Variants in CRYBA4 observed in about 807,000 individuals in gnomAD.
CRYBA4 encodes the protein crystallin beta A4.
A neutral mutation model predicts 31.7 loss-of-function variants in CRYBA4; 30 were observed. The ratio of observed to expected loss-of-function variants is 0.95; its 90% confidence interval spans 0.71 to 1.28. The LOEUF (loss-of-function observed/expected upper bound fraction) is 1.28, where lower values mean the gene tolerates loss of function less well. Ranked by LOEUF, CRYBA4 falls within the 50% of genes most tolerant of loss-of-function variation. The pLI is 0.00. For missense variants in CRYBA4, 225 were observed against 260.7 expected, an observed-to-expected ratio of 0.86 and a Z score of 0.94; for synonymous variants, 102 against 102.3, an observed-to-expected ratio of 1.00 and a Z score of 0.02.
At chr22:26,626,178 G>A (rs1929699176) in intron 4 of CRYBA4, among the ~76,000 whole-genome samples, 1 of 152,178 alleles carries the variant, frequency 6.6e-6, no homozygotes, top group South Asian at 2.1e-4. Flanking sequence ...AAGGCGGGTA[G>A]ATCACTTGAG....
the CRYBA4 span, chr22:26,607,938 G>A: frequency 4.3e-6 from 7 of 1,614,200 alleles, no homozygotes; most frequent in African/African-American, 2.7e-5. Flanking sequence ...GTAGCTGCTC[G>A]ACCATGTGTT....
At chr22:26,611,630 A>C in the CRYBA4 span, among the ~76,000 whole-genome samples, 1 of 151,304 alleles carries the variant, frequency 6.6e-6, no homozygotes, top group Non-Finnish European at 1.5e-5. Flanking sequence ...GCCCGCCACC[A>C]CGCCCGGCTA....
chr22:26,630,317 T>C, intron 5 of CRYBA4, 23 bp from the exon 6 acceptor site: 1 of 1,613,996 alleles, frequency 6.2e-7, no homozygotes, highest in Non-Finnish European at 8.5e-7. Flanking sequence ...GTAGAGTAAC[T>C]GTCTGCCTTT....
chr22:26,592,251 A>G, the CRYBA4 span, among the ~76,000 whole-genome samples: 2 of 152,188 alleles, frequency 1.3e-5, no homozygotes, highest in Admixed American at 1.3e-4. Flanking sequence ...AGAGGTGTGA[A>G]TGGGGGCATT....
At chr22:26,620,723 C>G (rs899225933), upstream of CRYBA4, among the ~76,000 whole-genome samples, 1 of 152,020 alleles carries the variant, frequency 6.6e-6, no homozygotes. Flanking sequence ...GCGCTACTCC[C>G]GGCTAATTTT....
upstream of CRYBA4, among the ~76,000 whole-genome samples, chr22:26,617,673 A>C (rs1929400331): frequency 1.3e-5 from 2 of 149,372 alleles, no homozygotes; most frequent in South Asian, 2.1e-4. Context: ...CTTTCTGCCT[A>C]TCTGCCTGTC....
chr22:26,622,895 T>G (rs1218835756), intron 2 of CRYBA4, among the ~76,000 whole-genome samples: 7 of 152,208 alleles, frequency 4.6e-5, no homozygotes, highest in African/African-American at 1.2e-4. Context: ...CTGTGTGTGT[T>G]TGTTTGTTTT....
intron 5 of CRYBA4, among the ~76,000 whole-genome samples, chr22:26,629,734 C>CAGAAAAAAAAA (rs1929862612): frequency 1.2e-5 from 1 of 80,600 alleles, no homozygotes; most frequent in Non-Finnish European, 2.6e-5. Context: ...GACTCTGTCT[C>CAGAAAAAAAAA]AAAAAAAAAA....
the CRYBA4 span, among the ~76,000 whole-genome samples, chr22:26,590,621 G>C: frequency 6.6e-6 from 1 of 152,090 alleles, no homozygotes; most frequent in Non-Finnish European, 1.5e-5. Flanking sequence ...CCACCACCAC[G>C]ACATTTGGCA....
At chr22:26,596,397 G>A in the CRYBA4 span, among the ~76,000 whole-genome samples, 7 of 152,176 alleles carry the variant, frequency 4.6e-5, no homozygotes, top group Admixed American at 2.6e-4. Context: ...GTGCCTGGCC[G>A]CAAAGAGGTT....
the CRYBA4 span, among the ~76,000 whole-genome samples, chr22:26,600,009 G>A: frequency 6.6e-6 from 1 of 152,226 alleles, no homozygotes; most frequent in Admixed American, 6.5e-5. Flanking sequence ...TAAACGTGAT[G>A]ATGCAGGGCT....
chr22:26,628,957 T>C (rs1353607377), intron 5 of CRYBA4, among the ~76,000 whole-genome samples: 2 of 152,198 alleles, frequency 1.3e-5, no homozygotes, highest in African/African-American at 4.8e-5. Flanking sequence ...ATGTGGTCCA[T>C]TGCTAGATTC....
the CRYBA4 span, among the ~76,000 whole-genome samples, chr22:26,605,231 A>T: frequency 1.3e-5 from 2 of 152,134 alleles, no homozygotes; most frequent in Non-Finnish European, 2.9e-5. Flanking sequence ...TTTGTGTAAC[A>T]CCTACCACAG....
At chr22:26,618,837 T>C (rs1220935037), upstream of CRYBA4, among the ~76,000 whole-genome samples, 1 of 152,210 alleles carries the variant, frequency 6.6e-6, no homozygotes, top group African/African-American at 2.4e-5. Context: ...GACCTGGGTC[T>C]TTTTCTTTTC....
chr22:26,610,340 C>T, the CRYBA4 span, among the ~76,000 whole-genome samples: 10 of 152,180 alleles, frequency 6.6e-5, no homozygotes, highest in Non-Finnish European at 1.5e-4. Flanking sequence ...TCACCCTCTT[C>T]ATTCTTTTTT....
chr22:26,625,092 G>T (rs1002521707), intron 3 of CRYBA4, among the ~76,000 whole-genome samples: 2 of 152,230 alleles, frequency 1.3e-5, no homozygotes, highest in African/African-American at 2.4e-5. Flanking sequence ...CTTGGCCTCT[G>T]TGGACACGGA....
the CRYBA4 span, among the ~76,000 whole-genome samples, chr22:26,594,544 A>G: frequency 5.3e-5 from 8 of 152,216 alleles, no homozygotes; most frequent in Non-Finnish European, 1.2e-4. Context: ...GCTTTGAAAC[A>G]ATATGAAGTC....
chr22:26,628,159 T>A lies in CRYBA4; in HGVS notation c.301-129T>A, dbSNP rs963725432. 17 of 1,292,972 alleles carry A rather than the reference T, an allele frequency of 1.3e-5. No individual in the cohort carries two copies. The Admixed American group carries it at 3.0e-4, about 23-fold the overall frequency. 80.1% of individuals were successfully genotyped at this position (1,292,972 alleles called of 1,614,324 possible). The stretch of plus-strand genomic sequence containing the variant: ...AAGGTTTCTGGTACCTGTTGCCTTA[T>A]TGCCCTTCCAAAAGGTTTGCAAGGA... On this transcript the variant is annotated intron_variant, in intron 4 of 5. Transcript: ENST00000354760.
At chr22:26,625,115 G>T (rs888904489) in intron 3 of CRYBA4, among the ~76,000 whole-genome samples, 8 of 152,188 alleles carry the variant, frequency 5.3e-5, no homozygotes, top group Non-Finnish European at 1.2e-4. Flanking sequence ...GAGGAGCAAG[G>T]TTGTCAGGGC....
Sources: allele counts gnomAD v4.1 joint callset (sites outside exome capture counted in the v4.1 genomes callset), GRCh38; gene constraint gnomAD v4.1.1; transcripts MANE v1.5; gene names NCBI Gene and HGNC (gene_info 2026-07-23, HGNC 2026-07-21).